ST13: variants seen among roughly 807,000 people sequenced by gnomAD.
ST13 encodes hsc70-interacting protein.
ST13 carries 23 observed loss-of-function variants against 56.7 expected under a neutral mutation model. The ratio of observed to expected loss-of-function variants is 0.41; its 90% CI spans 0.29 to 0.57. The LOEUF (loss-of-function observed/expected upper bound fraction) is 0.57. ST13 is among the 20% of genes least tolerant of loss of function. The pLI is 0.36. For missense variants in ST13, 369 were observed against 459.9 expected, an observed-to-expected ratio of 0.80 and a Z score of 1.81; for synonymous variants, 132 against 142.4, an observed-to-expected ratio of 0.93 and a Z score of 0.52.
At chr22:40,849,771 G>T (rs1021017057) in intron 2 of ST13, among the ~76,000 whole-genome samples, 29 of 152,090 alleles carry the variant, frequency 1.9e-4, no homozygotes, top group African/African-American at 6.5e-4. Flanking sequence ...TACTTTTTGG[G>T]CTTTTGCTTA....
intron 10 of ST13, among the ~76,000 whole-genome samples, chr22:40,828,269 C>T (rs2057737789): frequency 6.6e-6 from 1 of 152,100 alleles, no homozygotes; most frequent in Non-Finnish European, 1.5e-5. Flanking sequence ...TATCATAAAC[C>T]TGTATGTCTA....
intron 3 of ST13, among the ~76,000 whole-genome samples, chr22:40,845,935 T>C (rs1299281349): frequency 6.6e-6 from 1 of 152,168 alleles, no homozygotes; most frequent in African/African-American, 2.4e-5. Context: ...TGTTTTAACA[T>C]ACAGGCATAT....
intron 1 of ST13, among the ~76,000 whole-genome samples, 186 bp downstream of exon 1, chr22:40,856,245 C>A (rs927941180): frequency 6.6e-6 from 1 of 152,144 alleles, no homozygotes; most frequent in Non-Finnish European, 1.5e-5. Flanking sequence ...CTGCCTCCTG[C>A]TCCCCGCGGC....
intron 1 of ST13, among the ~76,000 whole-genome samples, chr22:40,855,879 C>CT (rs2057889789): frequency 7.0e-6 from 1 of 143,636 alleles, no homozygotes; most frequent in Non-Finnish European, 1.5e-5. Flanking sequence ...TGCCAAGTAA[C>CT]GGAGGTATAA....
chr22:40,828,858 C>G (rs931216330), intron 10 of ST13, among the ~76,000 whole-genome samples: 2 of 152,076 alleles, frequency 1.3e-5, no homozygotes, highest in African/African-American at 2.4e-5. Context: ...AAAATTAGTG[C>G]CTACCCGTAA....
chr22:40,851,039 T>C (rs1020556049), intron 1 of ST13, among the ~76,000 whole-genome samples, 159 bp from the exon 2 acceptor site: 15 of 152,250 alleles, frequency 9.9e-5, no homozygotes, highest in African/African-American at 3.4e-4. Flanking sequence ...GGTATTATTA[T>C]GGTTAAATTT....
chr22:40,829,696 AT>A, intron 9 of ST13, 22 bp from the exon 10 acceptor site: 1 of 1,385,302 alleles, frequency 7.2e-7, no homozygotes, highest in Admixed American at 1.9e-5. Context: ...AAGGAAATAA[AT>A]TATATAATAG....
intron 8 of ST13, among the ~76,000 whole-genome samples, chr22:40,831,309 G>A (rs2057752753): frequency 6.6e-6 from 1 of 152,212 alleles, no homozygotes; most frequent in African/African-American, 2.4e-5. Context: ...GAATTCAGTA[G>A]GAAGAGTATT....
rs1191372778 is a variant in ST13 at position 40,824,922 on chromosome 22, A to C, written c.*1616T>G. On this transcript the variant is annotated 3_prime_UTR_variant, in exon 12 of 12. Transcript: ENST00000216218. ...TAGAACCTGAATAAACTTATTTATG[A>C]TTTCAGAAATGTGGTATTTTAGAAA... 6.6e-6 allele frequency: 1 copy of C among 152,194 alleles called. No individual in the cohort carries two copies. The highest frequency in any genetic ancestry group is 1.5e-5 in the Non-Finnish European group (1 of 68,034). The allele number at this position is 152,194 out of a possible 1,614,324, so 9.4% of individuals were successfully genotyped here.
At chr22:40,843,502 T>C (rs2057814856) in intron 4 of ST13, among the ~76,000 whole-genome samples, 1 of 152,116 alleles carries the variant, frequency 6.6e-6, no homozygotes, top group South Asian at 2.1e-4. Context: ...ACCCACAATA[T>C]TCAGAAACAG....
At chr22:40,851,652 C>T (rs949240493) in intron 1 of ST13, among the ~76,000 whole-genome samples, 14 of 151,838 alleles carry the variant, frequency 9.2e-5, no homozygotes, top group African/African-American at 2.4e-4. Flanking sequence ...TTGGAAGCAA[C>T]GTAGACATTA....
At position 40,842,065 on chromosome 22, in the gene ST13, T is replaced by G. The variant is rs147047127; in HGVS notation, c.316-1373A>C. On this transcript the variant is annotated intron_variant, in intron 4 of 11. Transcript: ENST00000216218. ...CCTACAGAAACGGACAGTTGAGTAG[T>G]GAGATTAAAAGAACTTCCCCTGAAA... Among the ~76,000 whole-genome samples, 28 of 152,200 alleles carry G rather than the reference T, an allele frequency of 1.8e-4. No individual in the cohort carries two copies. The East Asian group carries it at 5.4e-3, about 29-fold the overall frequency.
intron 5 of ST13, among the ~76,000 whole-genome samples, chr22:40,836,425 A>C (rs1462866878): frequency 6.6e-6 from 1 of 152,244 alleles, no homozygotes; most frequent in Non-Finnish European, 1.5e-5. Flanking sequence ...CCTGGGTGAC[A>C]CAGCACGACT....
At chr22:40,830,776 T>C (rs1485688586) in intron 9 of ST13, 64 bp downstream of exon 9, 3 of 946,630 alleles carry the variant, frequency 3.2e-6, no homozygotes, top group East Asian at 4.9e-5. Context: ...AAAATTTTAG[T>C]GTCCTAATGC....
At chr22:40,850,922 A>AAATTCACT in intron 1 of ST13, 42 bp from the exon 2 acceptor site, 1 of 1,467,308 alleles carries the variant, frequency 6.8e-7, no homozygotes, top group Non-Finnish European at 9.4e-7. Flanking sequence ...TAGAAAATTA[A>AAATTCACT]AATTCACTGT....
chr22:40,832,230 G>A (rs755858815), intron 8 of ST13: 8 of 475,812 alleles, frequency 1.7e-5, no homozygotes, highest in South Asian at 1.1e-4. Context: ...TGATAAATAA[G>A]GACACATCAG....
chr22:40,839,126 T>A (rs920505645), intron 5 of ST13, among the ~76,000 whole-genome samples: 8 of 152,102 alleles, frequency 5.3e-5, no homozygotes, highest in Non-Finnish European at 1.2e-4. Context: ...AATAAAGGAA[T>A]AAATTTTTCA....
intron 7 of ST13, among the ~76,000 whole-genome samples, chr22:40,834,250 A>C (rs1181895434): frequency 6.6e-6 from 1 of 152,194 alleles, no homozygotes; most frequent in Non-Finnish European, 1.5e-5. Flanking sequence ...GCACCACTGC[A>C]CTCCAGCCTG....
At position 40,850,040 on chromosome 22, in the gene ST13, T is replaced by C. The variant is rs145626751; in HGVS notation, c.168+783A>G. ...GCACCTTGGGAGGCTGAGAGATCAG[T>C]TGAGGTCAGGAGTTCGAGACCCACC... On this transcript the variant is annotated intron_variant, in intron 2 of 11. Coordinates refer to ENST00000216218, the MANE Select transcript of ST13 (RefSeq NM_003932.5). Among the ~76,000 whole-genome samples, 661 of 151,934 alleles carry C rather than the reference T, an allele frequency of 4.4e-3. 5 individuals carry two copies. Among genetic ancestry groups the C allele is most frequent in the Middle Eastern group, 0.014 (4 of 294 alleles).
Sources: gnomAD v4.1 joint callset for allele counts (sites outside exome capture counted in the v4.1 genomes callset) on GRCh38, gnomAD v4.1.1 for gene constraint, MANE v1.5 for transcripts, NCBI Gene and HGNC (gene_info 2026-07-23, HGNC 2026-07-21) for gene names.